FLT3: variants seen among roughly 807,000 people sequenced by gnomAD.
FLT3 encodes the protein receptor-type tyrosine-protein kinase FLT3.
FLT3 carries 46 observed loss-of-function variants against 126.6 expected under a neutral mutation model. The observed-to-expected ratio is 0.36, with a 90% CI of 0.29 to 0.46. FLT3 has a LOEUF of 0.46. Ranked by LOEUF, FLT3 falls within the 20% of genes least tolerant of loss-of-function variation. FLT3 has a pLI of 1.00. For synonymous variants in FLT3, 404 were observed against 434.4 expected (o/e 0.93, Z 0.87); for missense variants, 1,069 against 1,190.3 (o/e 0.90, Z 1.50).
intron 19 of FLT3, among the ~76,000 whole-genome samples, chr13:28,021,460 G>A (rs1472998556): frequency 2.6e-5 from 4 of 152,136 alleles, no homozygotes; most frequent in Admixed American, 1.3e-4. Flanking sequence ...AGACTCAGGT[G>A]GGCAAGATGC....
chr13:28,019,908 C>T (rs186819695), intron 19 of FLT3, among the ~76,000 whole-genome samples: 46 of 152,296 alleles, frequency 3.0e-4, no homozygotes, highest in African/African-American at 1.1e-3. Context: ...GCTGCATCCT[C>T]ACAACCCACA....
intron 15 of FLT3, among the ~76,000 whole-genome samples, chr13:28,032,448 A>G (rs2137667930): frequency 6.6e-6 from 1 of 152,274 alleles, no homozygotes; most frequent in South Asian, 2.1e-4. Context: ...CATCTCTACC[A>G]AAAATACAAA....
Position 28,057,236 on chromosome 13 carries a change from A to G in FLT3, c.484+111T>C, listed in dbSNP as rs74931192. On this transcript the variant is annotated intron_variant, in intron 4 of 23. Transcript: ENST00000241453. ...ATCTAATCAATCCAACTACGTATCA[A>G]GGGAAACCTGAATATGTCTAGAGGA... 1,966 of 684,668 alleles carry G rather than the reference A, an allele frequency of 2.9e-3. 16 individuals carry two copies. The highest frequency in any genetic ancestry group is 0.016 in the African/African-American group (912 of 55,398). 42.4% of individuals were successfully genotyped at this position (684,668 alleles called of 1,614,324 possible).
chr13:28,036,047 T>A lies in FLT3; in HGVS notation c.1310-4A>T, dbSNP rs776193252. 41 of 1,612,664 alleles carry A rather than the reference T, an allele frequency of 2.5e-5. No homozygotes were observed. The highest frequency in any genetic ancestry group is 3.1e-5 in the Non-Finnish European group (36 of 1,178,848). ...TCTGCGAGCACTTGAGGTTTCCCTA[T>A]AGAAAAGAACGTGTGAAATAAGCTC... On this transcript the variant is annotated splice_region_variant and splice_polypyrimidine_tract_variant and intron_variant, in intron 10 of 23. Coordinates refer to ENST00000241453, the MANE Select transcript of FLT3 (RefSeq NM_004119.3).
intron 9 of FLT3, among the ~76,000 whole-genome samples, chr13:28,046,529 G>A (rs1874896100): frequency 2.6e-5 from 4 of 152,068 alleles, no homozygotes; most frequent in Non-Finnish European, 4.4e-5. Context: ...AACATATTTC[G>A]CTGAATGCGA....
intron 9 of FLT3, among the ~76,000 whole-genome samples, chr13:28,041,243 AAGACGTG>A (rs1429244404): frequency 6.6e-6 from 1 of 152,114 alleles, no homozygotes; most frequent in African/African-American, 2.4e-5. Flanking sequence ...CAAGAGAAGA[AAGACGTG>A]AGCTTCTAAG....
intron 2 of FLT3, among the ~76,000 whole-genome samples, chr13:28,067,317 C>CTGG (rs1182044472): frequency 3.9e-4 from 59 of 152,326 alleles, no homozygotes; most frequent in African/African-American, 1.4e-3. Flanking sequence ...GCCACCGTGC[C>CTGG]CAGCCCCTGT....
chr13:28,030,729 A>G (rs1045726662), intron 15 of FLT3, among the ~76,000 whole-genome samples: 3 of 151,934 alleles, frequency 2.0e-5, no homozygotes, highest in African/African-American at 4.8e-5. Context: ...GTAAAAATAC[A>G]TAAATAAATA....
intron 1 of FLT3, among the ~76,000 whole-genome samples, chr13:28,096,043 G>A: frequency 6.6e-6 from 1 of 152,078 alleles, no homozygotes. Context: ...ATTAAATACA[G>A]TACTATATCT....
At chr13:28,016,253 A>G (rs1330136600) in intron 20 of FLT3, among the ~76,000 whole-genome samples, 1 of 149,846 alleles carries the variant, frequency 6.7e-6, no homozygotes, top group African/African-American at 2.5e-5. Flanking sequence ...ACTGGGGCAG[A>G]GCTTTGTACT....
At chr13:28,075,604 A>G (rs1362659839) in intron 1 of FLT3, among the ~76,000 whole-genome samples, 1 of 151,708 alleles carries the variant, frequency 6.6e-6, no homozygotes, top group Non-Finnish European at 1.5e-5. Flanking sequence ...GCATGCCTGT[A>G]GTCCCAGCTA....
chr13:28,073,015 A>C (rs57834076), intron 1 of FLT3, among the ~76,000 whole-genome samples: 1,826 of 150,080 alleles, frequency 0.012, 30 homozygotes, highest in African/African-American at 0.035. Flanking sequence ...TAAAAAAAAA[A>C]AACAACAACA....
chr13:28,084,302 A>G (rs1284263395), intron 1 of FLT3, among the ~76,000 whole-genome samples: 1 of 151,592 alleles, frequency 6.6e-6, no homozygotes, highest in African/African-American at 2.4e-5. Context: ...TCTTTCTGTT[A>G]TTAATTTTAA....
intron 1 of FLT3, among the ~76,000 whole-genome samples, chr13:28,082,368 C>A (rs919530043): frequency 2.6e-5 from 4 of 152,092 alleles, no homozygotes; most frequent in African/African-American, 9.7e-5. Context: ...TGCTATGTTG[C>A]CAAGGCTGGT....
chr13:28,042,677 G>C (rs1419172939), intron 9 of FLT3, among the ~76,000 whole-genome samples: 1 of 152,050 alleles, frequency 6.6e-6, no homozygotes, highest in Non-Finnish European at 1.5e-5. Context: ...CTCACAGAAT[G>C]GCTTCTTAAG....
At chr13:28,010,759 C>T (rs1021278647) in intron 23 of FLT3, among the ~76,000 whole-genome samples, 1 of 152,236 alleles carries the variant, frequency 6.6e-6, no homozygotes, top group Non-Finnish European at 1.5e-5. Context: ...GTAATCCCCC[C>T]ACCTTGGGAG....
In FLT3 at chr13:28,006,526, C is replaced by G. The variant is rs74041527; in HGVS notation, c.2860-2352G>C. ...ATCTCTACCACTGAATTTCTAACCA[C>G]CTCATGAAGTTTGTGTAGCACAAAT... is the stretch of plus-strand genomic sequence containing the variant. On this transcript the variant is annotated intron_variant, in intron 23 of 23. Coordinates refer to ENST00000241453, the MANE Select transcript of FLT3 (RefSeq NM_004119.3). 8.9e-3 allele frequency among the ~76,000 whole-genome samples: 1,354 copies of G among 152,204 alleles called. 19 individuals are homozygous for G. Among genetic ancestry groups the G allele is most frequent in the African/African-American group, 0.031 (1,287 of 41,522 alleles).
chr13:28,028,106 AG>A, intron 16 of FLT3, 71 bp downstream of exon 16: 4 of 785,534 alleles, frequency 5.1e-6, no homozygotes, highest in East Asian at 2.5e-5. Context: ...AGAGAGAGAG[AG>A]AGAGCAAACA....
At chr13:28,089,686 G>A (rs1878898704) in intron 1 of FLT3, among the ~76,000 whole-genome samples, 3 of 151,924 alleles carry the variant, frequency 2.0e-5, no homozygotes, top group Admixed American at 6.6e-5. Context: ...AGTACTGGTT[G>A]TGAGGGGCTT....
Sources: gnomAD v4.1 joint callset for allele counts (sites outside exome capture counted in the v4.1 genomes callset) on GRCh38, gnomAD v4.1.1 for gene constraint, MANE v1.5 for transcripts, NCBI Gene and HGNC (gene_info 2026-07-23, HGNC 2026-07-21) for gene names.